WDR49: variants seen among roughly 807,000 people sequenced by gnomAD.
WDR49 encodes cilia- and flagella-associated protein 337.
In WDR49, 107 loss-of-function variants were observed where a neutral mutation model predicts 119.5. The observed-to-expected ratio is 0.90, with a 90% CI of 0.77 to 1.05. WDR49 has a LOEUF of 1.05. Ranked by LOEUF, WDR49 falls within the 50% of genes least tolerant of loss-of-function variation. The pLI, the probability that WDR49 is intolerant of heterozygous loss-of-function variation, is 0.00. For missense variants in WDR49, 1,240 were observed against 1,220.5 expected (o/e 1.02, Z -0.24); for synonymous variants, 425 against 418.8 (o/e 1.01, Z -0.18).
Position 167,529,029 on chromosome 3 carries a change from T to C in WDR49, c.2406+23A>G, listed in dbSNP as rs1305554822. On this transcript the variant is annotated intron_variant, in intron 14 of 18. Coordinates refer to ENST00000682715, the MANE Select transcript of WDR49 (RefSeq NM_001366157.1). ...GGGTCACCAAAAATCTTAAAGGTAA[T>C]GTGATAATGTTTTTCAATTTACCTC... is the stretch of plus-strand genomic sequence containing the variant. 22 of 1,513,160 alleles carry C rather than the reference T, an allele frequency of 1.5e-5. No individual in the cohort carries two copies. In the African/African-American group the frequency reaches 2.5e-4, roughly 17 times the overall value. 93.7% of individuals were successfully genotyped at this position (1,513,160 alleles called of 1,614,324 possible). A position where few individuals can be genotyped will look rare whatever the true frequency, so the allele number is the denominator to read the frequency against.
intron 5 of WDR49, among the ~76,000 whole-genome samples, chr3:167,614,352 G>A (rs1006510585): frequency 6.6e-6 from 1 of 152,100 alleles, no homozygotes; most frequent in Admixed American, 6.6e-5. Flanking sequence ...GCCCACCTCG[G>A]CTTCCCAAAA....
intron 7 of WDR49, among the ~76,000 whole-genome samples, chr3:167,581,182 C>T (rs1714511622): frequency 6.6e-6 from 1 of 152,000 alleles, no homozygotes; most frequent in African/African-American, 2.4e-5. Flanking sequence ...TATCATATAG[C>T]TTTTCAAATA....
At chr3:167,640,414 G>A (rs1717825214) in intron 2 of WDR49, among the ~76,000 whole-genome samples, 1 of 151,802 alleles carries the variant, frequency 6.6e-6, no homozygotes, top group Non-Finnish European at 1.5e-5. Context: ...CAGCCAACTT[G>A]AAACAATCAT....
chr3:167,617,056 G>GATTT (rs1716631062), intron 5 of WDR49, among the ~76,000 whole-genome samples: 1 of 152,148 alleles, frequency 6.6e-6, no homozygotes, highest in African/African-American at 2.4e-5. Context: ...GGGCAGCATT[G>GATTT]CAAAGCAAGA....
intron 7 of WDR49, among the ~76,000 whole-genome samples, chr3:167,595,371 TA>T (rs1715365019): frequency 6.6e-6 from 1 of 152,116 alleles, no homozygotes; most frequent in African/African-American, 2.4e-5. Flanking sequence ...AAAACTACTT[TA>T]AAGTTCATAT....
chr3:167,537,627 T>C (rs1711538639), intron 10 of WDR49, among the ~76,000 whole-genome samples: 2 of 152,158 alleles, frequency 1.3e-5, no homozygotes, highest in South Asian at 4.1e-4. Context: ...CAGTATCTTC[T>C]GGCACTGCTG....
intron 9 of WDR49, among the ~76,000 whole-genome samples, chr3:167,558,464 A>G (rs1409143582): frequency 1.3e-5 from 2 of 152,198 alleles, no homozygotes; most frequent in East Asian, 3.8e-4. Context: ...TGTATCCTAC[A>G]CAGAAGTTGC....
At chr3:167,490,373 T>C (rs1038177518) in intron 18 of WDR49, among the ~76,000 whole-genome samples, 1 of 152,108 alleles carries the variant, frequency 6.6e-6, no homozygotes, top group African/African-American at 2.4e-5. Flanking sequence ...ATAGGAAGGA[T>C]TTCTACTTTT....
chr3:167,583,461 G>A (rs1432254432), intron 7 of WDR49, among the ~76,000 whole-genome samples: 2 of 152,024 alleles, frequency 1.3e-5, no homozygotes, highest in African/African-American at 2.4e-5. Flanking sequence ...TTGGGAGGCC[G>A]AGGTGGGAAA....
chr3:167,656,862 A>G (rs1378271483), upstream of WDR49, among the ~76,000 whole-genome samples: 1 of 152,118 alleles, frequency 6.6e-6, no homozygotes, highest in Non-Finnish European at 1.5e-5. Flanking sequence ...CAGTTTAATC[A>G]CCTTTAGAAG....
intron 5 of WDR49, among the ~76,000 whole-genome samples, chr3:167,605,821 T>G (rs1716035341): frequency 3.3e-5 from 5 of 152,174 alleles, no homozygotes; most frequent in African/African-American, 1.2e-4. Flanking sequence ...CCACACAGTT[T>G]CAGTGATTTG....
rs180733677 is a variant in WDR49 at position 167,615,314 on chromosome 3, T to G, written c.958+5115A>C. Among the ~76,000 whole-genome samples the G allele has an allele frequency of 9.2e-5, 14 of 152,248 alleles. No homozygotes were observed. In the East Asian group the frequency reaches 2.3e-3, roughly 25 times the overall value. On this transcript the variant is annotated intron_variant, in intron 5 of 18. Coordinates refer to ENST00000682715, the MANE Select transcript of WDR49 (RefSeq NM_001366157.1). Reference sequence around the variant, plus strand: ...CCACACTCAGCTAATTCTTGTGTTTTTTATAGAGACAGGGTTTCACCATGT... The same window carrying G: ...CCACACTCAGCTAATTCTTGTGTTTGTTATAGAGACAGGGTTTCACCATGT...
chr3:167,514,940 T>C (rs569869572), intron 16 of WDR49, among the ~76,000 whole-genome samples: 26 of 152,260 alleles, frequency 1.7e-4, no homozygotes, highest in Non-Finnish European at 2.9e-5. Flanking sequence ...CAGGAAGAAG[T>C]TGAATCCCTG....
chr3:167,557,597 C>CA (rs1713011515), intron 9 of WDR49, among the ~76,000 whole-genome samples: 1 of 151,584 alleles, frequency 6.6e-6, no homozygotes, highest in East Asian at 1.9e-4. Context: ...ACTAAAAATA[C>CA]AAAAAATTAG....
At chr3:167,566,808 A>G in intron 8 of WDR49, 1 of 623,298 alleles carries the variant, frequency 1.6e-6, no homozygotes. Flanking sequence ...AGAAAATTAT[A>G]AGAAAGAGAA....
chr3:167,644,333 T>C (rs1718020594), intron 2 of WDR49, among the ~76,000 whole-genome samples: 1 of 152,108 alleles, frequency 6.6e-6, no homozygotes, highest in Non-Finnish European at 1.5e-5. Context: ...AATTATGGTA[T>C]AGATAAGGTG....
intron 8 of WDR49, among the ~76,000 whole-genome samples, chr3:167,572,678 C>T (rs1483153552): frequency 2.0e-5 from 3 of 152,160 alleles, no homozygotes; most frequent in Admixed American, 1.3e-4. Context: ...ATCTTCCCCT[C>T]ACACCAAAAA....
chr3:167,643,433 A>T (rs1454547002), intron 2 of WDR49, among the ~76,000 whole-genome samples: 2 of 152,126 alleles, frequency 1.3e-5, no homozygotes, highest in East Asian at 3.9e-4. Context: ...CATGAAAGAC[A>T]AGAAAAAGTG....
intron 5 of WDR49, among the ~76,000 whole-genome samples, chr3:167,615,925 G>A (rs1442178867): frequency 6.6e-6 from 1 of 152,164 alleles, no homozygotes; most frequent in Non-Finnish European, 1.5e-5. Context: ...TGTGCAGAAG[G>A]ATACTTCGTT....
Sources: allele counts gnomAD v4.1 joint callset (sites outside exome capture counted in the v4.1 genomes callset), GRCh38; gene constraint gnomAD v4.1.1; transcripts MANE v1.5; gene names NCBI Gene and HGNC (gene_info 2026-07-23, HGNC 2026-07-21).